SLMAP: variants seen among roughly 807,000 people sequenced by gnomAD.
SLMAP encodes sarcolemmal membrane-associated protein.
A neutral mutation model predicts 128.8 loss-of-function variants in SLMAP; 44 were observed. The observed-to-expected ratio is 0.34, with a 90% CI of 0.27 to 0.44. The LOEUF is 0.44. SLMAP is among the 20% of genes least tolerant of loss of function. SLMAP has a pLI of 1.00. For missense variants in SLMAP, 787 were observed against 985.3 expected, an observed-to-expected ratio of 0.80 and a Z score of 2.69; for synonymous variants, 327 against 348.8, an observed-to-expected ratio of 0.94 and a Z score of 0.70.
In SLMAP at chr3:57,759,232, A is replaced by C. The variant is rs945441284; in HGVS notation, c.198+1383A>C. Among the ~76,000 whole-genome samples the C allele has an allele frequency of 5.9e-5, 9 of 152,162 alleles. 1 individual carries two copies. The South Asian group carries it at 1.5e-3, about 25-fold the overall frequency. ...AACAGACCCTTCACTCGCTCCTCGC[A>C]AGCTGAAGTTAGGGTGCCTAAAATA... On this transcript the variant is annotated intron_variant, in intron 2 of 24. Transcript: ENST00000671191.
chr3:57,811,449 T>A (rs974191075), intron 2 of SLMAP, among the ~76,000 whole-genome samples: 1 of 152,190 alleles, frequency 6.6e-6, no homozygotes, highest in African/African-American at 2.4e-5. Flanking sequence ...AATAATATTT[T>A]ATTGTATGTA....
At chr3:57,821,370 G>A (rs1323611358) in intron 2 of SLMAP, among the ~76,000 whole-genome samples, 1 of 151,980 alleles carries the variant, frequency 6.6e-6, no homozygotes, top group East Asian at 1.9e-4. Flanking sequence ...TAATATATTG[G>A]CAAGTTTCAT....
At chr3:57,921,965 A>G (rs891577856) in intron 22 of SLMAP, among the ~76,000 whole-genome samples, 1 of 152,156 alleles carries the variant, frequency 6.6e-6, no homozygotes, top group Non-Finnish European at 1.5e-5. Flanking sequence ...TTGGCCTCCC[A>G]AAGTGCTGGG....
intron 22 of SLMAP, chr3:57,917,499 GC>G (rs2096836406): frequency 5.6e-6 from 1 of 177,184 alleles, no homozygotes; most frequent in Admixed American, 5.7e-5. Context: ...TCACCTCATA[GC>G]CAGGCAGCCA....
chr3:57,907,954 C>A lies in SLMAP; in HGVS notation c.1572C>A (p.Ile524=). Residue 524 remains isoleucine (I), a synonymous_variant, in exon 18 of 25, where the codon ATC becomes ATA. Coordinates refer to ENST00000671191, the MANE Select transcript of SLMAP (RefSeq NM_001377540.1). ...QEIQHLRKEL[I]EAQELARTSK... ...TACAGCATCTTCGAAAGGAATTGAT[C>A]GAAGCCCAGGAGCTAGCTAGAACAA... 7 of 1,613,774 alleles carry A rather than the reference C, an allele frequency of 4.3e-6. No individual in the cohort carries two copies. Among genetic ancestry groups the A allele is most frequent in the East Asian group, 2.2e-5 (1 of 44,846 alleles).
chr3:57,917,285 T>A, intron 22 of SLMAP: 1 of 1,305,142 alleles, frequency 7.7e-7, no homozygotes, highest in South Asian at 1.6e-5. Flanking sequence ...GTCTCAAAAA[T>A]ATAATATACA....
Position 57,844,491 on chromosome 3 carries a change from T to G in SLMAP, c.420-2706T>G, listed in dbSNP as rs533609697. The stretch of plus-strand genomic sequence containing the variant: ...TTTCATTTTCCACATTTCCTTCTTA[T>G]GGTTTGTATATGCATATGAACTTAA... On this transcript the variant is annotated intron_variant, in intron 4 of 24. Coordinates refer to ENST00000671191, the MANE Select transcript of SLMAP (RefSeq NM_001377540.1). Among the ~76,000 whole-genome samples the G allele has an allele frequency of 1.1e-4, 17 of 152,278 alleles. No individual in the cohort carries two copies. In the East Asian group the frequency reaches 2.9e-3, roughly 26 times the overall value.
intron 24 of SLMAP, among the ~76,000 whole-genome samples, chr3:57,926,787 C>A (rs555912126): frequency 3.9e-4 from 60 of 152,274 alleles, no homozygotes; most frequent in Non-Finnish European, 1.8e-4. Flanking sequence ...CCATCTTGAA[C>A]CCTGTTTGAT....
intron 2 of SLMAP, among the ~76,000 whole-genome samples, chr3:57,788,866 T>G (rs1359596749): frequency 1.4e-5 from 1 of 69,002 alleles, no homozygotes; most frequent in Non-Finnish European, 2.6e-5. Context: ...AGTTAGGGAG[T>G]GTGACAGGGA....
intron 2 of SLMAP, among the ~76,000 whole-genome samples, chr3:57,771,269 A>G (rs2080844402): frequency 6.6e-6 from 1 of 150,496 alleles, no homozygotes; most frequent in Non-Finnish European, 1.5e-5. Flanking sequence ...CTGTCACCCA[A>G]GCTGGAGTGC....
chr3:57,858,784 A>C (rs1337864223), intron 8 of SLMAP, among the ~76,000 whole-genome samples: 1 of 152,142 alleles, frequency 6.6e-6, no homozygotes, highest in Non-Finnish European at 1.5e-5. Context: ...CACTACTAAA[A>C]ATACAAAATT....
At chr3:57,894,132 AAT>A (rs139430300) in intron 15 of SLMAP, among the ~76,000 whole-genome samples, 21 of 151,424 alleles carry the variant, frequency 1.4e-4, no homozygotes, top group South Asian at 2.1e-4. Context: ...ATTTTAAAAC[AAT>A]ATATATATAT....
chr3:57,763,984 G>A (rs115059274), intron 2 of SLMAP, among the ~76,000 whole-genome samples: 3 of 152,268 alleles, frequency 2.0e-5, no homozygotes, highest in South Asian at 2.1e-4. Context: ...TCTGTGTGAT[G>A]TTCTTGTTTG....
intron 2 of SLMAP, among the ~76,000 whole-genome samples, chr3:57,786,777 A>T (rs1576469155): frequency 2.2e-5 from 3 of 134,484 alleles, no homozygotes; most frequent in African/African-American, 5.8e-5. Flanking sequence ...TCTGTCGCCC[A>T]GGCTGGAGTG....
chr3:57,849,257 T>C (rs914689100), intron 5 of SLMAP, among the ~76,000 whole-genome samples: 2 of 152,204 alleles, frequency 1.3e-5, no homozygotes, highest in Non-Finnish European at 1.5e-5. Flanking sequence ...AAAACCCTTA[T>C]AGAAGATATT....
chr3:57,771,473 C>T (rs1404087853), intron 2 of SLMAP, among the ~76,000 whole-genome samples: 1 of 152,238 alleles, frequency 6.6e-6, no homozygotes, highest in South Asian at 2.1e-4. Flanking sequence ...TCAAGTAATC[C>T]CCCTGCCTTG....
At chr3:57,914,426 T>C (rs2096766522) in intron 21 of SLMAP, among the ~76,000 whole-genome samples, 1 of 151,990 alleles carries the variant, frequency 6.6e-6, no homozygotes, top group Admixed American at 6.6e-5. Flanking sequence ...AAAACAAATG[T>C]TTTACATTGT....
rs558579683 is a variant in SLMAP at position 57,831,369 on chromosome 3, G to T, written c.199-14G>T. 2.9e-5 allele frequency: 41 copies of T among 1,428,288 alleles called. No individual in the cohort carries two copies. In the Admixed American group the frequency reaches 5.4e-4, roughly 19 times the overall value. The allele number at this position is 1,428,288 out of a possible 1,614,324, so 88.5% of individuals were successfully genotyped here. ...TAATATTTGGCCCTTTTTTGTTTTT[G>T]TTTTTTTTTGCAGTTTTATCTTCAA... On this transcript the variant is annotated splice_polypyrimidine_tract_variant and intron_variant, in intron 2 of 24. Transcript: ENST00000671191.
chr3:57,770,615 T>C (rs1460922287), intron 2 of SLMAP, among the ~76,000 whole-genome samples: 1 of 152,204 alleles, frequency 6.6e-6, no homozygotes, highest in Non-Finnish European at 1.5e-5. Flanking sequence ...ATTGGAATCC[T>C]GGCTCCATTG....
Sources: allele counts gnomAD v4.1 joint callset (sites outside exome capture counted in the v4.1 genomes callset), GRCh38; gene constraint gnomAD v4.1.1; transcripts MANE v1.5; gene names NCBI Gene and HGNC (gene_info 2026-07-23, HGNC 2026-07-21).